CSMD3: variants seen among roughly 807,000 people sequenced by gnomAD.
The protein encoded by CSMD3 is CUB and Sushi multiple domains 3.
CSMD3 carries 177 observed loss-of-function variants against 435.2 expected under a neutral mutation model. The observed-to-expected ratio is 0.41, with a 90% CI of 0.36 to 0.46. CSMD3 has a LOEUF of 0.46. CSMD3 is among the 20% of genes least tolerant of loss of function. The pLI, the probability that CSMD3 is intolerant of heterozygous loss-of-function variation, is 0.34. For missense variants in CSMD3, 4,265 were observed against 4,504.6 expected, an observed-to-expected ratio of 0.95 and a Z score of 1.52; for synonymous variants, 1,656 against 1,520.5, an observed-to-expected ratio of 1.09 and a Z score of -2.07.
chr8:113,157,433 G>A (rs534784771), intron 4 of CSMD3, among the ~76,000 whole-genome samples: 1 of 133,196 alleles, frequency 7.5e-6, no homozygotes, highest in South Asian at 2.2e-4. Context: ...TCTCATAACA[G>A]TCTCCTTTTT....
chr8:113,013,606 T>C (rs1440489398), intron 6 of CSMD3, among the ~76,000 whole-genome samples: 1 of 151,936 alleles, frequency 6.6e-6, no homozygotes, highest in Non-Finnish European at 1.5e-5. Flanking sequence ...CAAAGGGAAA[T>C]CTACAAAAGC....
rs2130832036 is a variant in CSMD3 at position 112,314,028 on chromosome 8, A to G, written c.7574T>C (p.Leu2525Pro). 1 of 1,610,038 alleles carries G rather than the reference A, an allele frequency of 6.2e-7. No individual in the cohort carries two copies. Residue 2525 changes from leucine (L) to proline (P), a missense_variant, in exon 49 of 71, where the codon CTT (leucine) becomes CCT (proline). Around this residue, in one of 3 missense-constraint regions of CSMD3, gnomAD observed 3,255 missense variants for 3,380.2 expected, o/e 0.96. Transcript: ENST00000297405. ...YDGPNIQSPV[L>P]ISLSGDYSSA... ...TGAATAATCCCCACTGAGGGAAATA[A>G]GCACTGGACTTTGAATATTTGGTCC...
chr8:112,228,950 T>A, intron 69 of CSMD3, 59 bp from the exon 70 acceptor site: 1 of 911,422 alleles, frequency 1.1e-6, no homozygotes, highest in Non-Finnish European at 1.7e-6. Flanking sequence ...TAATTTCTAC[T>A]CCCATGAATC....
chr8:113,370,083 T>C (rs1242134254), intron 1 of CSMD3, among the ~76,000 whole-genome samples: 1 of 151,832 alleles, frequency 6.6e-6, no homozygotes, highest in Non-Finnish European at 1.5e-5. Flanking sequence ...CTGCTAACTA[T>C]ATGAGGTAAT....
chr8:112,769,144 T>G (rs901002757), intron 13 of CSMD3, among the ~76,000 whole-genome samples: 4 of 152,000 alleles, frequency 2.6e-5, no homozygotes, highest in Non-Finnish European at 5.9e-5. Context: ...CTCACCTAGA[T>G]TCTTGGAACA....
intron 28 of CSMD3, among the ~76,000 whole-genome samples, chr8:112,510,328 C>A (rs4876287): frequency 0.17 from 25,678 of 152,216 alleles, 2,609 homozygotes; most frequent in Middle Eastern, 0.34. Context: ...CCTTCATGAT[C>A]TGACCCATAC....
At chr8:113,291,416 C>T (rs2093685590) in intron 2 of CSMD3, among the ~76,000 whole-genome samples, 2 of 151,800 alleles carry the variant, frequency 1.3e-5, no homozygotes, top group Non-Finnish European at 2.9e-5. Context: ...CTTTTTAACA[C>T]TGCATTTAAG....
At chr8:113,091,612 A>C (rs2090004830) in intron 5 of CSMD3, among the ~76,000 whole-genome samples, 1 of 151,800 alleles carries the variant, frequency 6.6e-6, no homozygotes, top group Non-Finnish European at 1.5e-5. Flanking sequence ...TATCAATTAT[A>C]ATGTTTTCTT....
At chr8:112,715,878 C>T (rs999912830) in intron 13 of CSMD3, among the ~76,000 whole-genome samples, 1 of 151,906 alleles carries the variant, frequency 6.6e-6, no homozygotes, top group African/African-American at 2.4e-5. Flanking sequence ...TCAACATCCC[C>T]AATTGTTAAA....
At chr8:112,594,779 C>T (rs374466258) in intron 22 of CSMD3, among the ~76,000 whole-genome samples, 12 of 152,060 alleles carry the variant, frequency 7.9e-5, no homozygotes, top group Admixed American at 3.9e-4. Context: ...CGGCAGGGTA[C>T]TCCAACAGAC....
intron 4 of CSMD3, among the ~76,000 whole-genome samples, chr8:113,156,679 T>A (rs912729366): frequency 2.0e-5 from 3 of 151,152 alleles, no homozygotes; most frequent in Non-Finnish European, 4.4e-5. Context: ...GGAAGGTGGA[T>A]CACATGAGCC....
intron 10 of CSMD3, among the ~76,000 whole-genome samples, chr8:112,911,592 T>C (rs1173381612): frequency 4.0e-5 from 6 of 151,104 alleles, no homozygotes; most frequent in Non-Finnish European, 8.9e-5. Flanking sequence ...CATTTCCTTC[T>C]TTTTTAAGGC....
chr8:113,150,406 T>C (rs139575464), intron 4 of CSMD3, among the ~76,000 whole-genome samples: 1 of 151,892 alleles, frequency 6.6e-6, no homozygotes, highest in African/African-American at 2.4e-5. Flanking sequence ...TTAAGGACAG[T>C]GTTAGGTGGC....
At chr8:112,871,166 C>A (rs936734021) in intron 10 of CSMD3, among the ~76,000 whole-genome samples, 5 of 152,156 alleles carry the variant, frequency 3.3e-5, no homozygotes, top group African/African-American at 1.2e-4. Flanking sequence ...TAAGGAAAAG[C>A]ATCCCCAAGT....
chr8:112,647,918 G>T (rs1213494856), intron 19 of CSMD3, among the ~76,000 whole-genome samples: 1 of 152,046 alleles, frequency 6.6e-6, no homozygotes, highest in Non-Finnish European at 1.5e-5. Flanking sequence ...AATACATAAG[G>T]CACCTGTAGC....
intron 22 of CSMD3, among the ~76,000 whole-genome samples, chr8:112,636,305 G>A (rs182428563): frequency 2.1e-4 from 32 of 152,018 alleles, no homozygotes; most frequent in Admixed American, 1.6e-3. Flanking sequence ...AGTTCATTAA[G>A]AGCCCTTAAA....
intron 11 of CSMD3, among the ~76,000 whole-genome samples, chr8:112,855,329 C>G (rs1304294037): frequency 6.6e-6 from 1 of 152,066 alleles, no homozygotes; most frequent in Non-Finnish European, 1.5e-5. Context: ...TGAATAGCTG[C>G]AAAGGACGCA....
At chr8:113,358,207 T>C (rs1003787967) in intron 1 of CSMD3, among the ~76,000 whole-genome samples, 2 of 152,246 alleles carry the variant, frequency 1.3e-5, no homozygotes, top group Non-Finnish European at 2.9e-5. Flanking sequence ...GTTGAAACAC[T>C]TATTAAATTG....
At chr8:113,183,494 G>A (rs560742040) in intron 3 of CSMD3, among the ~76,000 whole-genome samples, 1 of 151,912 alleles carries the variant, frequency 6.6e-6, no homozygotes, top group Non-Finnish European at 1.5e-5. Context: ...CAATAAGCTT[G>A]GACGGAAATG....
Sources: gnomAD v4.1 joint callset for allele counts (sites outside exome capture counted in the v4.1 genomes callset) on GRCh38, gnomAD v4.1.1 for gene constraint, gnomAD v4.1.1 regional missense constraint, MANE v1.5 for transcripts, NCBI Gene and HGNC (gene_info 2026-07-23, HGNC 2026-07-21) for gene names.